ZNG1A: variants seen among roughly 807,000 people sequenced by gnomAD.
The protein encoded by ZNG1A is Zn regulated GTPase metalloprotein activator 1A.
chr9:175,264 G>A, the ZNG1A span, among the ~76,000 whole-genome samples: 1 of 151,868 alleles, frequency 6.6e-6, no homozygotes, highest in Non-Finnish European at 1.5e-5. Flanking sequence ...TGTAGTCCCA[G>A]CTACTCAGGA....
chr9:133,814 A>G, the ZNG1A span, among the ~76,000 whole-genome samples: 3 of 151,600 alleles, frequency 2.0e-5, no homozygotes, highest in African/African-American at 7.3e-5. Context: ...GTACTAAGCA[A>G]TACAGATTTT....
the ZNG1A span, among the ~76,000 whole-genome samples, chr9:140,027 C>T: frequency 2.0e-5 from 3 of 150,554 alleles, no homozygotes; most frequent in African/African-American, 2.5e-5. Flanking sequence ...CACAGAGTCT[C>T]GCTGATTGCT....
At chr9:170,542 C>T in the ZNG1A span, among the ~76,000 whole-genome samples, 1 of 150,356 alleles carries the variant, frequency 6.7e-6, no homozygotes, top group Non-Finnish European at 1.5e-5. Flanking sequence ...TGCGCCACAT[C>T]GCCTGGCTAG....
the ZNG1A span, chr9:172,622 G>C: frequency 1.9e-5 from 3 of 156,508 alleles, no homozygotes; most frequent in African/African-American, 7.3e-5. Flanking sequence ...AAAAGTGAAG[G>C]AAAATCCTTA....
At chr9:123,802 ACAGGGC>A in the ZNG1A span, 1 of 256,382 alleles carries the variant, frequency 3.9e-6, no homozygotes, top group Admixed American at 4.9e-5. Context: ...TACTCACTAC[ACAGGGC>A]CAGGTACTTT....
the ZNG1A span, among the ~76,000 whole-genome samples, chr9:142,115 C>T: frequency 2.7e-5 from 4 of 147,140 alleles, no homozygotes; most frequent in African/African-American, 1.0e-4. Context: ...ACCCCACTGT[C>T]AACATTAGAC....
At chr9:158,560 T>C in the ZNG1A span, among the ~76,000 whole-genome samples, 2 of 151,148 alleles carry the variant, frequency 1.3e-5, no homozygotes, top group Admixed American at 6.6e-5. Context: ...TGCCTAAAGG[T>C]AACTAATACA....
At chr9:143,574 C>G in the ZNG1A span, among the ~76,000 whole-genome samples, 1,816 of 121,660 alleles carry the variant, frequency 0.015, 23 homozygotes, top group Middle Eastern at 0.05. Flanking sequence ...TATGACAAAC[C>G]CACAGCCAAT....
the ZNG1A span, among the ~76,000 whole-genome samples, chr9:168,414 G>C: frequency 1.3e-5 from 2 of 151,736 alleles, no homozygotes; most frequent in Non-Finnish European, 2.9e-5. Flanking sequence ...CACCAAGCCA[G>C]GCTAATTTTT....
chr9:138,240 T>C, the ZNG1A span, among the ~76,000 whole-genome samples: 2 of 151,270 alleles, frequency 1.3e-5, no homozygotes, highest in East Asian at 1.9e-4. Flanking sequence ...GAAAAACATA[T>C]CTCTCAACTG....
At chr9:129,309 T>C in the ZNG1A span, among the ~76,000 whole-genome samples, 2 of 152,106 alleles carry the variant, frequency 1.3e-5, no homozygotes, top group East Asian at 1.9e-4. Flanking sequence ...GCTTTCTTGC[T>C]TGATAAGAGA....
At chr9:150,193 C>T in the ZNG1A span, 1 of 102,034 alleles carries the variant, frequency 9.8e-6, no homozygotes, top group Non-Finnish European at 1.8e-5. Flanking sequence ...GTGGTGCGAT[C>T]TCAGCTCACT....
chr9:130,838 A>G, the ZNG1A span, among the ~76,000 whole-genome samples: 5 of 109,040 alleles, frequency 4.6e-5, no homozygotes, highest in African/African-American at 1.9e-4. Flanking sequence ...GGCTTTAAAA[A>G]TTAAGATAAC....
the ZNG1A span, among the ~76,000 whole-genome samples, chr9:174,595 A>C: frequency 0.012 from 1,887 of 151,698 alleles, 27 homozygotes; most frequent in African/African-American, 0.043. Context: ...CTGTTATTAG[A>C]AATCTCAGGA....
chr9:137,580 G>C, the ZNG1A span, among the ~76,000 whole-genome samples: 2 of 151,916 alleles, frequency 1.3e-5, no homozygotes, highest in Non-Finnish European at 2.9e-5. Context: ...CTGGAACCTT[G>C]AAGTAAAAAG....
chr9:165,227 C>G, the ZNG1A span, among the ~76,000 whole-genome samples: 1 of 151,964 alleles, frequency 6.6e-6, no homozygotes, highest in Non-Finnish European at 1.5e-5. Context: ...TACTGTATCA[C>G]TACTCCAAAC....
the ZNG1A span, among the ~76,000 whole-genome samples, chr9:144,147 T>G: frequency 2.9e-4 from 22 of 75,116 alleles, no homozygotes; most frequent in Middle Eastern, 4.8e-3. Context: ...TTCAATGCCA[T>G]CCCCATCAAG....
At chr9:128,614 T>C in the ZNG1A span, among the ~76,000 whole-genome samples, 1 of 149,544 alleles carries the variant, frequency 6.7e-6, no homozygotes, top group Non-Finnish European at 1.5e-5. Flanking sequence ...TATCTTTACA[T>C]TGGGCTTCAC....
the ZNG1A span, chr9:160,111 G>C: frequency 1.3e-5 from 6 of 454,572 alleles, no homozygotes; most frequent in Non-Finnish European, 4.4e-6. Flanking sequence ...AGAATAGAGA[G>C]CTGTCATTTT....
Sources: gnomAD v4.1 joint callset for allele counts (sites outside exome capture counted in the v4.1 genomes callset) on GRCh38, gnomAD v4.1.1 for gene constraint, MANE v1.5 for transcripts, NCBI Gene and HGNC (gene_info 2026-07-23, HGNC 2026-07-21) for gene names.